GJA1: variants seen among roughly 807,000 people sequenced by gnomAD.
GJA1 encodes the protein gap junction protein alpha 1.
A neutral mutation model predicts 31.0 loss-of-function variants in GJA1; 9 were observed. That is an observed-to-expected ratio of 0.29 (90% CI 0.17 to 0.51). The LOEUF is 0.51. GJA1 is among the 20% of genes least tolerant of loss of function. The probability of loss-of-function intolerance (pLI) is 0.98; values close to 1 mark genes in which losing one functional copy is unlikely to be tolerated. For missense variants in GJA1, 278 were observed against 468.8 expected, an observed-to-expected ratio of 0.59 and a Z score of 3.76; for synonymous variants, 186 against 180.1, an observed-to-expected ratio of 1.03 and a Z score of -0.26.
chr6:121,441,093 C>T (rs1015097794), intron 1 of GJA1, among the ~76,000 whole-genome samples: 1 of 152,186 alleles, frequency 6.6e-6, no homozygotes, highest in African/African-American at 2.4e-5. Flanking sequence ...CAGGTGCCCG[C>T]CACCACGCCC....
At chr6:121,444,697 C>A (rs989378850) in intron 1 of GJA1, among the ~76,000 whole-genome samples, 7 of 152,184 alleles carry the variant, frequency 4.6e-5, no homozygotes, top group African/African-American at 1.4e-4. Context: ...CCTAAATAAT[C>A]CTACCTTTAG....
At chr6:121,439,399 G>T (rs893419993) in intron 1 of GJA1, among the ~76,000 whole-genome samples, 2 of 152,112 alleles carry the variant, frequency 1.3e-5, no homozygotes, top group Non-Finnish European at 1.5e-5. Context: ...AAATAACAAG[G>T]CTATTCACTA....
intron 1 of GJA1, among the ~76,000 whole-genome samples, chr6:121,437,913 CT>C (rs1268571306): frequency 6.6e-6 from 1 of 152,086 alleles, no homozygotes; most frequent in Non-Finnish European, 1.5e-5. Flanking sequence ...GTGAGGAAGC[CT>C]AATGTTTACT....
intron 1 of GJA1, among the ~76,000 whole-genome samples, chr6:121,443,515 T>A (rs1307309694): frequency 6.6e-6 from 1 of 152,210 alleles, no homozygotes; most frequent in South Asian, 2.1e-4. Flanking sequence ...AAGAGCTGTC[T>A]GATGACTTAG....
intron 1 of GJA1, among the ~76,000 whole-genome samples, chr6:121,445,270 C>T (rs183867391): frequency 1.3e-4 from 20 of 152,246 alleles, no homozygotes; most frequent in Admixed American, 2.6e-4. Context: ...CTTAGCCTCC[C>T]GAGTAGCTGG....
rs780949973 is a variant in GJA1, at chr6:121,447,926, A to G, written c.1079A>G (p.Asp360Gly). 3 of 1,613,894 alleles carry G rather than the reference A, an allele frequency of 1.9e-6. No homozygotes were observed. The highest frequency in any genetic ancestry group is 2.5e-6 in the Non-Finnish European group (3 of 1,179,826). Residue 360 changes from aspartate to glycine, a missense_variant, in exon 2 of 2, where the codon GAC (aspartate) becomes GGC (glycine). Physicochemically the swap from Asp to Gly is moderately conservative, Grantham distance 94 (BLOSUM62 -1). Around this residue, in one of 3 missense-constraint regions of GJA1, gnomAD observed 172 missense variants for 190.9 expected, o/e 0.90. Coordinates refer to ENST00000282561, the MANE Select transcript of GJA1 (RefSeq NM_000165.5). Reference sequence around the variant, plus strand: ...GAATTACAGCCACTAGCCATTGTGGACCAGCGACCTTCAAGCAGAGCCAGC... The same window carrying G: ...GAATTACAGCCACTAGCCATTGTGGGCCAGCGACCTTCAAGCAGAGCCAGC... ...GHELQPLAIVDQRPSSRASSR... is the reference protein window; with the variant it reads ...GHELQPLAIVGQRPSSRASSR...
Position 121,447,070 on chromosome 6 carries a change from G to A in GJA1, c.223G>A (p.Val75Met). The A allele has an allele frequency of 6.2e-7, 1 of 1,613,832 alleles. No homozygotes were observed. The highest frequency in any genetic ancestry group is 8.5e-7 in the Non-Finnish European group (1 of 1,179,768). The change falls in exon 2 of 2, where the codon GTG becomes ATG. Residue 75 changes from valine (V) to methionine (M), a missense_variant. Val to Met is a conservative substitution (Grantham distance 21). This residue lies in a region of GJA1 where 26 missense variants were observed against 114.4 expected (regional missense o/e 0.23). Transcript: ENST00000282561. ...TGACAAGTCTTTCCCAATCTCTCAT[G>A]TGCGCTTCTGGGTCCTGCAGATCAT... Reference protein sequence around the residue: ...CYDKSFPISHVRFWVLQIIFV... With the variant: ...CYDKSFPISHMRFWVLQIIFV...
chr6:121,441,782 G>A (rs1773796669), intron 1 of GJA1, among the ~76,000 whole-genome samples: 1 of 152,060 alleles, frequency 6.6e-6, no homozygotes. Flanking sequence ...GGGTGACCAG[G>A]CTAATGACAT....
intron 1 of GJA1, among the ~76,000 whole-genome samples, chr6:121,440,287 T>C (rs1057131888): frequency 3.9e-5 from 6 of 152,162 alleles, no homozygotes; most frequent in African/African-American, 7.2e-5. Context: ...TGATACCTGA[T>C]GCAGTTCTAC....
intron 1 of GJA1, among the ~76,000 whole-genome samples, chr6:121,446,508 G>A (rs1773892031): frequency 1.3e-5 from 2 of 152,200 alleles, no homozygotes; most frequent in Admixed American, 1.3e-4. Context: ...AAAAGGAGCA[G>A]AGGCTTAGCA....
Position 121,436,750 on chromosome 6 carries a change from A to C in GJA1, c.-17+918A>C, listed in dbSNP as rs540721917. Among the ~76,000 whole-genome samples, 29 of 152,286 alleles carry C rather than the reference A, an allele frequency of 1.9e-4. No homozygotes were observed. In the East Asian group the frequency reaches 1.9e-3, roughly 10 times the overall value. ...CAGCGCTTTGGGAGCTCCCCCCGCC[A>C]ACACCCGCCGCCCCGCACCTTCCCT... On this transcript the variant is annotated intron_variant, in intron 1 of 1. Coordinates refer to ENST00000282561, the MANE Select transcript of GJA1 (RefSeq NM_000165.5).
In GJA1 at chr6:121,447,952, A is replaced by G; in HGVS notation, c.1105A>G (p.Ser369Gly). The G allele has an allele frequency of 6.2e-7, 1 of 1,613,954 alleles. No individual in the cohort carries two copies. The highest frequency in any genetic ancestry group is 8.5e-7 in the Non-Finnish European group (1 of 1,179,892). ...CCAGCGACCTTCAAGCAGAGCCAGC[A>G]GTCGTGCCAGCAGCAGACCTCGGCC... Reference protein sequence around the residue: ...VDQRPSSRASSRASSRPRPDD... With the variant: ...VDQRPSSRASGRASSRPRPDD... The change falls in exon 2 of 2, where the codon AGT becomes GGT. Residue 369 changes from serine to glycine, a missense_variant. This residue lies in a region of GJA1 where 172 missense variants were observed against 190.9 expected (regional missense o/e 0.90). Transcript: ENST00000282561.
chr6:121,442,176 C>T (rs902137940), intron 1 of GJA1, among the ~76,000 whole-genome samples: 1 of 152,054 alleles, frequency 6.6e-6, no homozygotes, highest in Non-Finnish European at 1.5e-5. Flanking sequence ...TTCAATAATC[C>T]TATTTACCTT....
At chr6:121,444,607 T>C (rs1234397677) in intron 1 of GJA1, among the ~76,000 whole-genome samples, 4 of 152,204 alleles carry the variant, frequency 2.6e-5, no homozygotes, top group African/African-American at 9.7e-5. Context: ...ATTTACTTCC[T>C]ACAAGGAGAT....
chr6:121,446,797 CTG>C (rs1562173896), intron 1 of GJA1, 33 bp from the exon 2 acceptor site: 3 of 1,306,568 alleles, frequency 2.3e-6, no homozygotes, highest in Non-Finnish European at 3.3e-6. Context: ...AATTTGCAAT[CTG>C]TGATCCTTGA....
At chr6:121,443,695 T>A (rs865926825) in intron 1 of GJA1, among the ~76,000 whole-genome samples, 1 of 152,208 alleles carries the variant, frequency 6.6e-6, no homozygotes, top group Non-Finnish European at 1.5e-5. Context: ...ACTATAAGCA[T>A]CTACACAATC....
Position 121,449,640 on chromosome 6 carries a change from A to T in GJA1, c.*1644A>T, listed in dbSNP as rs1177211020. On this transcript the variant is annotated 3_prime_UTR_variant, in exon 2 of 2. Transcript: ENST00000282561. ...TTAAACTACGGTCATGTTCAGCTTC[A>T]TTGCATGTAATGTAGACCTAGTCCA... is the stretch of plus-strand genomic sequence containing the variant. The T allele has an allele frequency of 2.4e-5, 4 of 167,190 alleles. No individual in the cohort carries two copies. The Admixed American group carries it at 2.6e-4, about 11-fold the overall frequency. 10.4% of individuals were successfully genotyped at this position (167,190 alleles called of 1,614,324 possible). A position where few individuals can be genotyped will look rare whatever the true frequency, so the allele number is the denominator to read the frequency against.
intron 1 of GJA1, among the ~76,000 whole-genome samples, chr6:121,437,584 G>C (rs1187157112): frequency 6.6e-6 from 1 of 152,014 alleles, no homozygotes; most frequent in Non-Finnish European, 1.5e-5. Flanking sequence ...GCCTGTTTCC[G>C]AGACGCGCGC....
rs1017587900 is a variant in GJA1, at chr6:121,437,934, G to C, written c.-17+2102G>C. 1.6e-4 allele frequency among the ~76,000 whole-genome samples: 24 copies of C among 152,222 alleles called. No individual in the cohort carries two copies. The South Asian group carries it at 5.0e-3, about 32-fold the overall frequency. ...AAGCCTAATGTTTACTTTTGTGCAA[G>C]GATAACTGGAAATTAAAGCGTCTAG... On this transcript the variant is annotated intron_variant, in intron 1 of 1. Coordinates refer to ENST00000282561, the MANE Select transcript of GJA1 (RefSeq NM_000165.5).
Sources: allele counts gnomAD v4.1 joint callset (sites outside exome capture counted in the v4.1 genomes callset), GRCh38; gene constraint gnomAD v4.1.1; regional missense constraint gnomAD v4.1.1; transcripts MANE v1.5; gene names NCBI Gene and HGNC (gene_info 2026-07-23, HGNC 2026-07-21).